The following GPR137C variants were observed in gnomAD, a reference collection of about 807,000 sequenced individuals.
GPR137C encodes the protein G protein-coupled receptor 137C, also known as integral membrane protein GPR137C.
A neutral mutation model predicts 43.4 loss-of-function variants in GPR137C; 27 were observed. The ratio of observed to expected loss-of-function variants is 0.62; its 90% CI spans 0.46 to 0.86. The LOEUF (loss-of-function observed/expected upper bound fraction) is 0.86. Ranked by LOEUF, GPR137C falls within the 40% of genes least tolerant of loss-of-function variation. GPR137C has a pLI of 0.00. For synonymous variants in GPR137C, 285 were observed against 226.9 expected, an observed-to-expected ratio of 1.26 and a Z score of -2.30; for missense variants, 522 against 534.6, an observed-to-expected ratio of 0.98 and a Z score of 0.23.
At chr14:52,616,958 C>T (rs922072375) in intron 3 of GPR137C, among the ~76,000 whole-genome samples, 6 of 152,178 alleles carry the variant, frequency 3.9e-5, no homozygotes, top group African/African-American at 1.4e-4. Context: ...TATTTTAAAG[C>T]CATAATTGTA....
intron 3 of GPR137C, among the ~76,000 whole-genome samples, chr14:52,622,697 A>G (rs1474065433): frequency 6.6e-6 from 1 of 152,088 alleles, no homozygotes; most frequent in Non-Finnish European, 1.5e-5. Context: ...GGTTAGATCC[A>G]CTAACAAGTC....
chr14:52,570,635 T>C (rs1421103209), intron 1 of GPR137C, among the ~76,000 whole-genome samples: 3 of 151,266 alleles, frequency 2.0e-5, no homozygotes, highest in African/African-American at 2.5e-5. Flanking sequence ...AGGCTAAAAA[T>C]AAAGGGATGG....
chr14:52,611,685 C>A, intron 3 of GPR137C: 1 of 437,504 alleles, frequency 2.3e-6, no homozygotes, highest in Non-Finnish European at 3.0e-6. Context: ...AAATTGTACA[C>A]TACATAGTAC....
intron 1 of GPR137C, among the ~76,000 whole-genome samples, chr14:52,578,971 C>CT (rs528852607): frequency 3.2e-4 from 49 of 151,920 alleles, no homozygotes; most frequent in African/African-American, 1.2e-3. Context: ...AATGGAAACT[C>CT]TGAGCTTATG....
intron 3 of GPR137C, among the ~76,000 whole-genome samples, chr14:52,614,326 G>A (rs567426405): frequency 3.3e-5 from 5 of 151,774 alleles, no homozygotes; most frequent in African/African-American, 9.7e-5. Context: ...TCACCATGTC[G>A]CCCAGGCTGG....
intron 1 of GPR137C, among the ~76,000 whole-genome samples, chr14:52,586,873 G>T (rs2038720313): frequency 6.6e-6 from 1 of 152,184 alleles, no homozygotes; most frequent in African/African-American, 2.4e-5. Flanking sequence ...CAAAACCTGA[G>T]AATATAGTTT....
intron 1 of GPR137C, among the ~76,000 whole-genome samples, chr14:52,557,344 A>G (rs1257391837): frequency 1.3e-5 from 2 of 152,218 alleles, no homozygotes; most frequent in Non-Finnish European, 2.9e-5. Flanking sequence ...TTTTCTGCCT[A>G]AAAGATTTCA....
intron 3 of GPR137C, chr14:52,612,329 G>A: frequency 1.1e-6 from 1 of 895,252 alleles, no homozygotes; most frequent in Non-Finnish European, 1.3e-6. Flanking sequence ...TTATTTTTAA[G>A]GCTGCATAAC....
chr14:52,569,043 G>T (rs1294208633), intron 1 of GPR137C, among the ~76,000 whole-genome samples: 1 of 152,200 alleles, frequency 6.6e-6, no homozygotes, highest in Non-Finnish European at 1.5e-5. Flanking sequence ...TATGCAACAG[G>T]AGAGCTCCGG....
chr14:52,555,575 G>C (rs558272797), intron 1 of GPR137C, among the ~76,000 whole-genome samples: 1 of 152,182 alleles, frequency 6.6e-6, no homozygotes, highest in South Asian at 2.1e-4. Flanking sequence ...ATCTAGATTG[G>C]GTCTTCAGAC....
At position 52,608,085 on chromosome 14, in the gene GPR137C, TA is replaced by T. The variant is rs2039001362; in HGVS notation, c.717+7745del. 3.3e-5 allele frequency among the ~76,000 whole-genome samples: 5 copies of T among 152,168 alleles called. No homozygotes were observed. The South Asian group carries it at 1.0e-3, about 32-fold the overall frequency. The stretch of plus-strand genomic sequence containing the variant: ...ATTTTGCCACTCTGTATCTTTTAAT[TA>T]GACAGTTTAATCCATTTACACTAAA... On this transcript the variant is annotated intron_variant, in intron 3 of 6. Transcript: ENST00000321662.
At chr14:52,627,501 A>C in intron 3 of GPR137C, among the ~76,000 whole-genome samples, 2 of 152,182 alleles carry the variant, frequency 1.3e-5, no homozygotes, top group Non-Finnish European at 2.9e-5. Context: ...TTTAAAAAGA[A>C]GACAAGTTGA....
At chr14:52,571,689 A>T (rs1349784712) in intron 1 of GPR137C, among the ~76,000 whole-genome samples, 2 of 152,084 alleles carry the variant, frequency 1.3e-5, no homozygotes, top group South Asian at 2.1e-4. Flanking sequence ...ATAACAAAAG[A>T]TCCAGAGAAG....
intron 1 of GPR137C, among the ~76,000 whole-genome samples, chr14:52,581,371 A>T (rs2038644199): frequency 1.4e-5 from 1 of 73,612 alleles, no homozygotes; most frequent in South Asian, 8.3e-4. Context: ...CTTCTCTACT[A>T]AAAAAAAAAA....
chr14:52,578,197 C>G (rs2038592320), intron 1 of GPR137C, among the ~76,000 whole-genome samples: 1 of 152,080 alleles, frequency 6.6e-6, no homozygotes, highest in Non-Finnish European at 1.5e-5. Context: ...TTCAACAAGC[C>G]CCTTCAACTT....
Position 52,635,291 on chromosome 14 carries a change from T to A in GPR137C, c.*176T>A. On this transcript the variant is annotated 3_prime_UTR_variant, in exon 7 of 7. Coordinates refer to ENST00000321662, the MANE Select transcript of GPR137C (RefSeq NM_001099652.2). Reference sequence around the variant, plus strand: ...TATTTTTGACCTCTTCATAGTAAAATGAAGTAAAATGGAAAGTTTGGAGTA... The same window carrying A: ...TATTTTTGACCTCTTCATAGTAAAAAGAAGTAAAATGGAAAGTTTGGAGTA... 1 of 476,768 alleles carries A rather than the reference T, an allele frequency of 2.1e-6. No individual in the cohort carries two copies. The highest frequency in any genetic ancestry group is 4.7e-5 in the South Asian group (1 of 21,448). 29.5% of individuals were successfully genotyped at this position (476,768 alleles called of 1,614,324 possible). A position where few individuals can be genotyped will look rare whatever the true frequency, so the allele number is the denominator to read the frequency against.
chr14:52,607,665 A>C (rs1276037529), intron 3 of GPR137C, among the ~76,000 whole-genome samples: 1 of 152,144 alleles, frequency 6.6e-6, no homozygotes, highest in Non-Finnish European at 1.5e-5. Context: ...GGCTTGGCTC[A>C]GGAGTTCAAG....
chr14:52,583,142 A>G (rs972685081), intron 1 of GPR137C, among the ~76,000 whole-genome samples: 1 of 152,302 alleles, frequency 6.6e-6, no homozygotes, highest in East Asian at 1.9e-4. Context: ...TTAAATTGAC[A>G]TCAGTAAGTC....
At chr14:52,568,478 G>T (rs1249953780) in intron 1 of GPR137C, among the ~76,000 whole-genome samples, 1 of 152,102 alleles carries the variant, frequency 6.6e-6, no homozygotes, top group Non-Finnish European at 1.5e-5. Context: ...TGGAAAGGGG[G>T]CTGAAGCCAG....
Sources: allele counts gnomAD v4.1 joint callset (sites outside exome capture counted in the v4.1 genomes callset), GRCh38; gene constraint gnomAD v4.1.1; transcripts MANE v1.5; gene names NCBI Gene and HGNC (gene_info 2026-07-23, HGNC 2026-07-21).